Variants in KLF14 observed in about 807,000 individuals in gnomAD.
KLF14 encodes the protein KLF transcription factor 14.
Under a neutral mutation model 16.2 loss-of-function variants are expected in KLF14, and 13 were observed. The observed-to-expected ratio is 0.80, with a 90% CI of 0.52 to 1.28. The LOEUF (loss-of-function observed/expected upper bound fraction) is 1.28. KLF14 is among the 50% of genes most tolerant of loss of function. The pLI, the probability that KLF14 is intolerant of heterozygous loss-of-function variation, is 0.00. For synonymous variants in KLF14, 276 were observed against 233.7 expected (o/e 1.18, Z -1.65); for missense variants, 571 against 493.4 (o/e 1.16, Z -1.49).
In KLF14 at chr7:130,734,053, C is replaced by T; in HGVS notation, c.-20G>A. 1.7e-6 allele frequency: 2 copies of T among 1,198,948 alleles called. No homozygotes were observed. Among genetic ancestry groups the T allele is most frequent in the Non-Finnish European group, 2.1e-6 (2 of 969,816 alleles). 74.3% of individuals were successfully genotyped at this position (1,198,948 alleles called of 1,614,324 possible). A position where few individuals can be genotyped will look rare whatever the true frequency, so the allele number is the denominator to read the frequency against. On this transcript the variant is annotated 5_prime_UTR_variant, in exon 1 of 1. Coordinates refer to ENST00000583337, the MANE Select transcript of KLF14 (RefSeq NM_138693.4). The surrounding 1 kb of genome is among the most constrained non-coding windows in gnomAD (Gnocchi z 4.4). ...CGACATGCTGGGACCGCCCGGCCGC[C>T]GGCGAGCGCCGTCCGAACGCGGCCG...
Position 130,733,840 on chromosome 7 carries a change from TG to T in KLF14, c.193del (p.Gln65SerfsTer107). On this transcript the variant is annotated frameshift_variant, in exon 1 of 1. Transcript: ENST00000583337. LOFTEE classifies it high-confidence loss of function. The surrounding 1 kb of genome is among the most constrained non-coding windows in gnomAD (Gnocchi z 5.2). ...GCTGGGGGCGGGGACCTGCGGGAGC[TG>T]GGGGACCGACGCGGGCCCCGGTGGC... is the stretch of plus-strand genomic sequence containing the variant. ...PGPPGPASVP[Q>X]LPQVPAPSPG... The T allele has an allele frequency of 1.5e-6, 2 of 1,364,350 alleles. No individual in the cohort carries two copies. The highest frequency in any genetic ancestry group is 1.9e-6 in the Non-Finnish European group (2 of 1,069,548). 84.5% of individuals were successfully genotyped at this position (1,364,350 alleles called of 1,614,324 possible).
chr7:130,733,426 G>T lies in KLF14; in HGVS notation c.608C>A (p.Thr203Asn). The T allele has an allele frequency of 6.2e-7, 1 of 1,614,126 alleles. No homozygotes were observed. Among genetic ancestry groups the T allele is most frequent in the Non-Finnish European group, 8.5e-7 (1 of 1,180,014 alleles). Residue 203 changes from threonine to asparagine, a missense_variant, in exon 1 of 1, where the codon ACC becomes AAC. Transcript: ENST00000583337. This position sits in a 1 kb window ranked among gnomAD's most constrained non-coding sequence, Gnocchi z 5.2. ...KRHQCPFPGC[T>N]KAYYKSSHLK... ...GTGCGACGACTTGTAATAGGCTTTG[G>T]TGCAGCCCGGGAAGGGGCATTGGTG...
Position 130,734,015 on chromosome 7 carries a change from A to G in KLF14, c.19T>C (p.Cys7Arg). 1.5e-6 allele frequency: 2 copies of G among 1,325,704 alleles called. No homozygotes were observed. Among genetic ancestry groups the G allele is most frequent in the Non-Finnish European group, 1.9e-6 (2 of 1,033,232 alleles). The allele number at this position is 1,325,704 out of a possible 1,614,324, so 82.1% of individuals were successfully genotyped here. A position where few individuals can be genotyped will look rare whatever the true frequency, so the allele number is the denominator to read the frequency against. Residue 7 changes from cysteine (C) to arginine (R), a missense_variant, in exon 1 of 1, where the codon TGC becomes CGC. Cys to Arg is a radical substitution (Grantham distance 180, BLOSUM62 -3). Coordinates refer to ENST00000583337, the MANE Select transcript of KLF14 (RefSeq NM_138693.4). The surrounding 1 kb of genome is among the most constrained non-coding windows in gnomAD (Gnocchi z 4.4). ...CACTCGGCGGCGAAGTAGTCCAGGC[A>G]CGCCACGGCGGCCGACATGCTGGGA... The part of the protein sequence containing the change: MSAAVA[C>R]LDYFAAECLV...
At position 130,733,737 on chromosome 7, in the gene KLF14, G is replaced by C. The variant is rs1554471050; in HGVS notation, c.297C>G (p.Gly99=). The change falls in exon 1 of 1, where the codon GGC becomes GGG. Residue 99 remains glycine (G), a synonymous_variant. Transcript: ENST00000583337. The surrounding 1 kb of genome is among the most constrained non-coding windows in gnomAD (Gnocchi z 5.2). Reference sequence around the variant, plus strand: ...GAGCTTCCCCCGAGTTCTCCCAGGAGCCCTCGCCAGAGCTGCCGCGCAAGT... The same window carrying C: ...GAGCTTCCCCCGAGTTCTCCCAGGACCCCTCGCCAGAGCTGCCGCGCAAGT... ...WADLRGSSGE[G]SWENSGEAPR... The C allele has an allele frequency of 6.5e-7, 1 of 1,546,162 alleles. No homozygotes were observed. Among genetic ancestry groups the C allele is most frequent in the Non-Finnish European group, 8.7e-7 (1 of 1,153,260 alleles).
rs1468996895 is a variant in KLF14, at chr7:130,731,597, A to G, written c.*1465T>C. On this transcript the variant is annotated 3_prime_UTR_variant, in exon 1 of 1. Transcript: ENST00000583337. The stretch of plus-strand genomic sequence containing the variant: ...TTAACCAGATGCCCGTTAGGGTCCT[A>G]TGAGATTACAGCATCTTCCCCAAGT... 2.0e-5 allele frequency: 3 copies of G among 152,230 alleles called. No individual in the cohort carries two copies. Among genetic ancestry groups the G allele is most frequent in the Non-Finnish European group, 4.4e-5 (3 of 68,072 alleles). 9.4% of individuals were successfully genotyped at this position (152,230 alleles called of 1,614,324 possible).
At position 130,733,810 on chromosome 7, in the gene KLF14, C is replaced by A; in HGVS notation, c.224G>T (p.Gly75Val). Residue 75 changes from glycine (G) to valine (V), a missense_variant, in exon 1 of 1, where the codon GGC becomes GTC. Transcript: ENST00000583337. The surrounding 1 kb of genome is among the most constrained non-coding windows in gnomAD (Gnocchi z 5.2). ...QLPQVPAPSP[G>V]AGGAAPHLLA... The stretch of plus-strand genomic sequence containing the variant: ...CAGGTGGGGCGCGGCGCCGCCCGCG[C>A]CGGGGCTGGGGGCGGGGACCTGCGG... 1 of 1,457,794 alleles carries A rather than the reference C, an allele frequency of 6.9e-7. No homozygotes were observed. The highest frequency in any genetic ancestry group is 9.0e-7 in the Non-Finnish European group (1 of 1,111,976). 90.3% of individuals were successfully genotyped at this position (1,457,794 alleles called of 1,614,324 possible). A position where few individuals can be genotyped will look rare whatever the true frequency, so the allele number is the denominator to read the frequency against.
At position 130,730,731 on chromosome 7, in the gene KLF14, C is replaced by G. The variant is rs1413130666; in HGVS notation, c.*2331G>C. On this transcript the variant is annotated 3_prime_UTR_variant, in exon 1 of 1. Coordinates refer to ENST00000583337, the MANE Select transcript of KLF14 (RefSeq NM_138693.4). ...TTGAGAATCAAAAGTTATTTATCAA[C>G]AGGTGATTGGAAAAGCCAAGCTTTC... 6.6e-6 allele frequency among the ~76,000 whole-genome samples: 1 copy of G among 152,194 alleles called. No individual in the cohort carries two copies. The highest frequency in any genetic ancestry group is 6.5e-5 in the Admixed American group (1 of 15,280).
Position 130,731,898 on chromosome 7 carries a change from C to G in KLF14, c.*1164G>C, listed in dbSNP as rs290793. On this transcript the variant is annotated 3_prime_UTR_variant, in exon 1 of 1. Coordinates refer to ENST00000583337, the MANE Select transcript of KLF14 (RefSeq NM_138693.4). ...TCAGAGGAGAAAGTTCCTCCTATTT[C>G]ATAATAGCTATCACCTTGCTACTCC... is the stretch of plus-strand genomic sequence containing the variant. 0.81 allele frequency: 123,873 copies of G among 152,096 alleles called. 50,603 individuals carry two copies. The highest frequency in any genetic ancestry group is 0.86 in the African/African-American group (35,783 of 41,476). The allele number at this position is 152,096 out of a possible 1,614,324, so 9.4% of individuals were successfully genotyped here. A position where few individuals can be genotyped will look rare whatever the true frequency, so the allele number is the denominator to read the frequency against.
Position 130,733,194 on chromosome 7 carries a change from A to G in KLF14, c.840T>C (p.Tyr280=), listed in dbSNP as rs1584665708. ...CCCGGTACTCGATCATATCTGGATGATAGGTTGGGTGGCGGCGAGCATGCT... is the reference window on the plus strand; with the variant it reads ...CCCGGTACTCGATCATATCTGGATGGTAGGTTGGGTGGCGGCGAGCATGCT... The part of the protein sequence containing the change: ...LTKHARRHPT[Y]HPDMIEYRGR... Residue 280 remains tyrosine (Y), a synonymous_variant, in exon 1 of 1, where the codon TAT becomes TAC. Transcript: ENST00000583337. This position sits in a 1 kb window ranked among gnomAD's most constrained non-coding sequence, Gnocchi z 5.2. 5 of 1,599,574 alleles carry G rather than the reference A, an allele frequency of 3.1e-6. No homozygotes were observed. In the East Asian group the frequency reaches 1.1e-4, roughly 36 times the overall value.
rs1286394008 is a variant in KLF14 at position 130,734,149 on chromosome 7, TCGCCGCCTGCCGCCTGCTGC to T, written c.-136_-117del. On this transcript the variant is annotated 5_prime_UTR_variant, in exon 1 of 1. Coordinates refer to ENST00000583337, the MANE Select transcript of KLF14 (RefSeq NM_138693.4). The surrounding 1 kb of genome is among the most constrained non-coding windows in gnomAD (Gnocchi z 4.4). ...GAGCGAGAAGCAGGAGGCCGGGTGCTCGCCGCCTGCCGCCTGCTGCCGCCGCCGCCGCCGCAGCCGCCGCT... is the reference window on the plus strand; with the variant it reads ...GAGCGAGAAGCAGGAGGCCGGGTGCTCGCCGCCGCCGCCGCAGCCGCCGCT... The T allele has an allele frequency of 1.3e-4, 72 of 549,158 alleles. No homozygotes were observed. The African/African-American group carries it at 1.4e-3, about 11-fold the overall frequency. 34.0% of individuals were successfully genotyped at this position (549,158 alleles called of 1,614,324 possible).
In KLF14 at chr7:130,730,719, G is replaced by A. The variant is rs782417371; in HGVS notation, c.*2343C>T. Among the ~76,000 whole-genome samples the A allele has an allele frequency of 8.5e-5, 13 of 152,180 alleles. No individual in the cohort carries two copies. The highest frequency in any genetic ancestry group is 1.8e-4 in the Non-Finnish European group (12 of 68,038). On this transcript the variant is annotated 3_prime_UTR_variant, in exon 1 of 1. Coordinates refer to ENST00000583337, the MANE Select transcript of KLF14 (RefSeq NM_138693.4). ...CTATTTGGGAGCTTGAGAATCAAAA[G>A]TTATTTATCAACAGGTGATTGGAAA... is the stretch of plus-strand genomic sequence containing the variant.
Position 130,733,495 on chromosome 7 carries a change from T to A in KLF14, c.539A>T (p.Asp180Val), listed in dbSNP as rs781984654. 1.6e-5 allele frequency: 26 copies of A among 1,605,378 alleles called. No homozygotes were observed. The highest frequency in any genetic ancestry group is 2.0e-5 in the Non-Finnish European group (24 of 1,176,602). The change falls in exon 1 of 1, where the codon GAT becomes GTT. Residue 180 changes from aspartate (D) to valine (V), a missense_variant. Coordinates refer to ENST00000583337, the MANE Select transcript of KLF14 (RefSeq NM_138693.4). The surrounding 1 kb of genome is among the most constrained non-coding windows in gnomAD (Gnocchi z 5.2). ...ALGAGPAPAA[D>V]QAPRRRSVTP... Reference sequence around the variant, plus strand: ...GACAGACCTCCTCCGGGGCGCCTGATCCGCGGCGGGGGCGGGGCCTGCCCC... The same window carrying A: ...GACAGACCTCCTCCGGGGCGCCTGAACCGCGGCGGGGGCGGGGCCTGCCCC...
At position 130,732,053 on chromosome 7, in the gene KLF14, C is replaced by T. The variant is rs940101419; in HGVS notation, c.*1009G>A. ...CTGAGGGAAATAACCCCCTAGTTAG[C>T]CATTAGGAAATTAACAGAATCTACC... is the stretch of plus-strand genomic sequence containing the variant. On this transcript the variant is annotated 3_prime_UTR_variant, in exon 1 of 1. Transcript: ENST00000583337. 4 of 152,180 alleles carry T rather than the reference C, an allele frequency of 2.6e-5. No homozygotes were observed. The highest frequency in any genetic ancestry group is 4.4e-5 in the Non-Finnish European group (3 of 68,062). The allele number at this position is 152,180 out of a possible 1,614,324, so 9.4% of individuals were successfully genotyped here. A position where few individuals can be genotyped will look rare whatever the true frequency, so the allele number is the denominator to read the frequency against.
chr7:130,734,048 G>A lies in KLF14; in HGVS notation c.-15C>T. The A allele has an allele frequency of 3.3e-6, 4 of 1,226,932 alleles. No homozygotes were observed. Among genetic ancestry groups the A allele is most frequent in the African/African-American group, 1.6e-5 (1 of 62,224 alleles). The allele number at this position is 1,226,932 out of a possible 1,614,324, so 76.0% of individuals were successfully genotyped here. A position where few individuals can be genotyped will look rare whatever the true frequency, so the allele number is the denominator to read the frequency against. ...GCGGCCGACATGCTGGGACCGCCCG[G>A]CCGCCGGCGAGCGCCGTCCGAACGC... On this transcript the variant is annotated 5_prime_UTR_variant, in exon 1 of 1. Transcript: ENST00000583337. The surrounding 1 kb of genome is among the most constrained non-coding windows in gnomAD (Gnocchi z 4.4).
chr7:130,733,502 C>G lies in KLF14; in HGVS notation c.532G>C (p.Ala178Pro). The change falls in exon 1 of 1, where the codon GCC (alanine) becomes CCC (proline). Residue 178 changes from alanine to proline, a missense_variant. Ala to Pro is a conservative substitution (Grantham distance 27, BLOSUM62 -1). Coordinates refer to ENST00000583337, the MANE Select transcript of KLF14 (RefSeq NM_138693.4). The surrounding 1 kb of genome is among the most constrained non-coding windows in gnomAD (Gnocchi z 5.2). ...GGALGAGPAP[A>P]ADQAPRRRSV... is the part of the protein sequence containing the mutation. ...CTCCTCCGGGGCGCCTGATCCGCGG[C>G]GGGGGCGGGGCCTGCCCCTAGGGCC... The G allele has an allele frequency of 6.3e-7, 1 of 1,598,638 alleles. No homozygotes were observed. Among genetic ancestry groups the G allele is most frequent in the Non-Finnish European group, 8.5e-7 (1 of 1,173,342 alleles).
In KLF14 at chr7:130,733,362, AGGG is replaced by A; in HGVS notation, c.669_671del (p.Pro224del). The A allele has an allele frequency of 6.2e-7, 1 of 1,614,012 alleles. No individual in the cohort carries two copies. The highest frequency in any genetic ancestry group is 8.5e-7 in the Non-Finnish European group (1 of 1,179,968). ...CGCAGTCGAGCCAGTCGCAGGAGAA[AGGG>A]CGCTCACCCGTGTGGGTGCGCTGGT... On this transcript the variant is annotated inframe_deletion, in exon 1 of 1. Coordinates refer to ENST00000583337, the MANE Select transcript of KLF14 (RefSeq NM_138693.4). The surrounding 1 kb of genome is among the most constrained non-coding windows in gnomAD (Gnocchi z 5.2).
Position 130,733,666 on chromosome 7 carries a change from T to C in KLF14, c.368A>G (p.Gln123Arg). 2 of 1,566,244 alleles carry C rather than the reference T, an allele frequency of 1.3e-6. No homozygotes were observed. Among genetic ancestry groups the C allele is most frequent in the South Asian group, 2.3e-5 (2 of 85,396 alleles). Residue 123 changes from glutamine to arginine, a missense_variant, in exon 1 of 1, where the codon CAG (glutamine) becomes CGG (arginine). Transcript: ENST00000583337. This position sits in a 1 kb window ranked among gnomAD's most constrained non-coding sequence, Gnocchi z 5.2. Reference protein sequence around the residue: ...GFSDPIPCSVQTPCSELAPAS... With the variant: ...GFSDPIPCSVRTPCSELAPAS... Reference sequence around the variant, plus strand: ...GGGAGCCAGCTCGGAGCACGGGGTCTGGACGGAGCACGGGATCGGGTCGGA... The same window carrying C: ...GGGAGCCAGCTCGGAGCACGGGGTCCGGACGGAGCACGGGATCGGGTCGGA...
Position 130,733,455 on chromosome 7 carries a change from C to T in KLF14, c.579G>A (p.Lys193=). The T allele has an allele frequency of 6.2e-7, 1 of 1,613,646 alleles. No individual in the cohort carries two copies. The highest frequency in any genetic ancestry group is 2.2e-5 in the East Asian group (1 of 44,846). ...PRRRSVTPAA[K]RHQCPFPGCT... is the part of the protein sequence containing the mutation. The stretch of plus-strand genomic sequence containing the variant: ...AGCCCGGGAAGGGGCATTGGTGGCG[C>T]TTGGCAGCAGGTGTGACAGACCTCC... The change falls in exon 1 of 1, where the codon AAG becomes AAA. Residue 193 remains lysine, a synonymous_variant. Transcript: ENST00000583337. This position sits in a 1 kb window ranked among gnomAD's most constrained non-coding sequence, Gnocchi z 5.2.
At position 130,732,332 on chromosome 7, in the gene KLF14, A is replaced by C. The variant is rs1797201877; in HGVS notation, c.*730T>G. 6.6e-6 allele frequency: 1 copy of C among 152,238 alleles called. No homozygotes were observed. Among genetic ancestry groups the C allele is most frequent in the Non-Finnish European group, 1.5e-5 (1 of 68,062 alleles). The allele number at this position is 152,238 out of a possible 1,614,324, so 9.4% of individuals were successfully genotyped here. ...AGTTACCATCCTCAAGTAGGAATCC[A>C]AATGGGGAGAAGGGCTACGACGCAA... On this transcript the variant is annotated 3_prime_UTR_variant, in exon 1 of 1. Coordinates refer to ENST00000583337, the MANE Select transcript of KLF14 (RefSeq NM_138693.4).
Sources: allele counts gnomAD v4.1 joint callset (sites outside exome capture counted in the v4.1 genomes callset), GRCh38; gene constraint gnomAD v4.1.1; non-coding constraint Gnocchi (gnomAD v3.1); transcripts MANE v1.5; gene names NCBI Gene and HGNC (gene_info 2026-07-23, HGNC 2026-07-21).